The following MSANTD4 variants were observed in gnomAD, a reference collection of about 807,000 sequenced individuals.
MSANTD4 encodes Myb/SANT DNA binding domain containing 4 with coiled-coils.
In MSANTD4, 13 loss-of-function variants were observed where a neutral mutation model predicts 34.3. That is an observed-to-expected ratio of 0.38 (90% confidence interval 0.25 to 0.60). The LOEUF (loss-of-function observed/expected upper bound fraction) is 0.60. Among genes scored for constraint, MSANTD4 ranks in the 20% least tolerant of loss-of-function variants. The probability of loss-of-function intolerance (pLI) is 0.63; values close to 1 mark genes in which losing one functional copy is unlikely to be tolerated. For missense variants in MSANTD4, 358 were observed against 401.8 expected (o/e 0.89, Z 0.93); for synonymous variants, 137 against 145.2 (o/e 0.94, Z 0.41).
At chr11:106,015,542 T>A (rs1009339457) in intron 1 of MSANTD4, among the ~76,000 whole-genome samples, 4 of 152,246 alleles carry the variant, frequency 2.6e-5, no homozygotes, top group Non-Finnish European at 5.9e-5. Context: ...TTATGCTTCA[T>A]AACATATATA....
chr11:106,018,841 C>T (rs1485683089), intron 1 of MSANTD4, among the ~76,000 whole-genome samples: 2 of 152,196 alleles, frequency 1.3e-5, no homozygotes, highest in Non-Finnish European at 2.9e-5. Context: ...GGACTGCTCT[C>T]TTGAGAACCA....
intron 1 of MSANTD4, among the ~76,000 whole-genome samples, chr11:106,012,758 C>CTG (rs1859733916): frequency 6.6e-6 from 1 of 152,214 alleles, no homozygotes; most frequent in Non-Finnish European, 1.5e-5. Flanking sequence ...AGTAAAACGT[C>CTG]TGTGCTAGAC....
rs1860029953 is a variant in MSANTD4 at position 106,021,414 on chromosome 11, T to G, written c.-603A>C. 1 of 152,198 alleles carries G rather than the reference T, an allele frequency of 6.6e-6. No individual in the cohort carries two copies. The allele number at this position is 152,198 out of a possible 1,614,324, so 9.4% of individuals were successfully genotyped here. A position where few individuals can be genotyped will look rare whatever the true frequency, so the allele number is the denominator to read the frequency against. ...GGCATAATATAACCAGGCAACTTTTTACAAGCACTAAAACTTGAGAATGAA... is the reference window on the plus strand; with the variant it reads ...GGCATAATATAACCAGGCAACTTTTGACAAGCACTAAAACTTGAGAATGAA... On this transcript the variant is annotated 5_prime_UTR_variant, in exon 1 of 3. Transcript: ENST00000301919.
At chr11:106,013,640 T>G (rs1859761590) in intron 1 of MSANTD4, among the ~76,000 whole-genome samples, 1 of 152,144 alleles carries the variant, frequency 6.6e-6, no homozygotes, top group Admixed American at 6.5e-5. Flanking sequence ...GCGGGCGGAT[T>G]GCCTGAGCTC....
intron 1 of MSANTD4, among the ~76,000 whole-genome samples, chr11:106,016,216 C>G (rs1007043885): frequency 6.6e-6 from 1 of 152,152 alleles, no homozygotes; most frequent in Non-Finnish European, 1.5e-5. Flanking sequence ...CCTAACATTC[C>G]TATGTAATTC....
At chr11:106,014,061 T>G (rs1403586620) in intron 1 of MSANTD4, among the ~76,000 whole-genome samples, 1 of 152,216 alleles carries the variant, frequency 6.6e-6, no homozygotes, top group Non-Finnish European at 1.5e-5. Context: ...CAAAACCAGT[T>G]AGGCCTCATA....
intron 1 of MSANTD4, among the ~76,000 whole-genome samples, chr11:106,014,253 T>G (rs1238908561): frequency 1.3e-5 from 2 of 152,238 alleles, no homozygotes; most frequent in Non-Finnish European, 2.9e-5. Context: ...GACAATCTTA[T>G]AACTGTAACC....
intron 1 of MSANTD4, among the ~76,000 whole-genome samples, chr11:106,016,364 ATATGCTGCTTCTTAGTACCC>A (rs1199519617): frequency 1.3e-5 from 2 of 152,196 alleles, no homozygotes; most frequent in Non-Finnish European, 2.9e-5. Flanking sequence ...ACCAGCCCCA[ATATGCTGCTTCTTAGTACCC>A]TATGTTGCAG....
intron 1 of MSANTD4, among the ~76,000 whole-genome samples, chr11:106,013,453 G>A (rs1050027521): frequency 6.6e-6 from 1 of 152,206 alleles, no homozygotes; most frequent in Non-Finnish European, 1.5e-5. Flanking sequence ...AAGATCCAGA[G>A]AGGTTAATTT....
chr11:106,009,248 A>G lies in MSANTD4; in HGVS notation c.*287T>C, dbSNP rs945550049. ...CCCCAGATGAGAACTTCTGGGCTAG[A>G]ATTTTATATGGACATAATTGTAAAC... On this transcript the variant is annotated 3_prime_UTR_variant, in exon 3 of 3. Coordinates refer to ENST00000301919, the MANE Select transcript of MSANTD4 (RefSeq NM_032424.3). 6 of 260,458 alleles carry G rather than the reference A, an allele frequency of 2.3e-5. No homozygotes were observed. Among genetic ancestry groups the G allele is most frequent in the African/African-American group, 1.1e-4 (5 of 45,056 alleles). 16.1% of individuals were successfully genotyped at this position (260,458 alleles called of 1,614,324 possible). A position where few individuals can be genotyped will look rare whatever the true frequency, so the allele number is the denominator to read the frequency against.
Position 106,008,152 on chromosome 11 carries a change from T to C in MSANTD4, c.*1383A>G, listed in dbSNP as rs993906971. The C allele has an allele frequency of 2.0e-5, 3 of 152,572 alleles. No individual in the cohort carries two copies. The highest frequency in any genetic ancestry group is 7.2e-5 in the African/African-American group (3 of 41,430). 9.5% of individuals were successfully genotyped at this position (152,572 alleles called of 1,614,324 possible). Reference sequence around the variant, plus strand: ...TTGAAAATCAGAAAACACAAAGTGATCTAGTGCAGTGATTCTCAACTTTAG... The same window carrying C: ...TTGAAAATCAGAAAACACAAAGTGACCTAGTGCAGTGATTCTCAACTTTAG... On this transcript the variant is annotated 3_prime_UTR_variant, in exon 3 of 3. Transcript: ENST00000301919.
intron 1 of MSANTD4, among the ~76,000 whole-genome samples, chr11:106,016,476 G>A (rs942344544): frequency 6.6e-6 from 1 of 152,110 alleles, no homozygotes. Flanking sequence ...GGAGATAGTC[G>A]CCCATCTGCT....
rs1859673204 is a variant in MSANTD4 at position 106,010,938 on chromosome 11, T to C, written c.-21A>G. On this transcript the variant is annotated 5_prime_UTR_variant, in exon 2 of 3. Transcript: ENST00000301919. ...TTCATTTTCAATTTCAATGCAGTTTTTATGGTAAGAGATGTGAAAACAATT... is the reference window on the plus strand; with the variant it reads ...TTCATTTTCAATTTCAATGCAGTTTCTATGGTAAGAGATGTGAAAACAATT... The C allele has an allele frequency of 3.8e-6, 6 of 1,566,492 alleles. No individual in the cohort carries two copies. Among genetic ancestry groups the C allele is most frequent in the Non-Finnish European group, 5.2e-6 (6 of 1,158,786 alleles).
chr11:106,010,719 T>C lies in MSANTD4; in HGVS notation c.199A>G (p.Thr67Ala). The change falls in exon 2 of 3, where the codon ACA (threonine) becomes GCA (alanine). Residue 67 changes from threonine (T) to alanine (A), a missense_variant. By Grantham distance (58) the Thr-to-Ala change is moderately conservative. Around this residue, in one of 2 missense-constraint regions of MSANTD4, gnomAD observed 46 missense variants for 84.3 expected, o/e 0.55. Transcript: ENST00000301919. Reference protein sequence around the residue: ...AVGEGEQRTGTEVKRRYLDWR... With the variant: ...AVGEGEQRTGAEVKRRYLDWR... Reference sequence around the variant, plus strand: ...TCAAGGTACCTTCTTTTCACCTCTGTCCCTGTCCTCTGTTCTCCTTCTCCT... The same window carrying C: ...TCAAGGTACCTTCTTTTCACCTCTGCCCCTGTCCTCTGTTCTCCTTCTCCT... The C allele has an allele frequency of 6.2e-7, 1 of 1,614,180 alleles. No individual in the cohort carries two copies. Among genetic ancestry groups the C allele is most frequent in the Non-Finnish European group, 8.5e-7 (1 of 1,180,018 alleles).
In MSANTD4 at chr11:106,009,381, T is replaced by C; in HGVS notation, c.*154A>G. ...ACGCTAGGGCACAGCTTTTATATAC[T>C]ACTTAGGCATACAGTTATCCACATA... On this transcript the variant is annotated 3_prime_UTR_variant, in exon 3 of 3. Coordinates refer to ENST00000301919, the MANE Select transcript of MSANTD4 (RefSeq NM_032424.3). The C allele has an allele frequency of 1.5e-6, 1 of 672,754 alleles. No individual in the cohort carries two copies. Among genetic ancestry groups the C allele is most frequent in the South Asian group, 2.0e-5 (1 of 49,718 alleles). 41.7% of individuals were successfully genotyped at this position (672,754 alleles called of 1,614,324 possible).
chr11:106,011,001 C>A lies in MSANTD4; in HGVS notation c.-84G>T. 1 of 1,456,490 alleles carries A rather than the reference C, an allele frequency of 6.9e-7. No homozygotes were observed. 90.2% of individuals were successfully genotyped at this position (1,456,490 alleles called of 1,614,324 possible). On this transcript the variant is annotated 5_prime_UTR_variant, in exon 2 of 3. Coordinates refer to ENST00000301919, the MANE Select transcript of MSANTD4 (RefSeq NM_032424.3). Reference sequence around the variant, plus strand: ...CAAAGCACAAAAACCAGGGATAATTCTTTGCTGGCCCTTAGTTCAAATCAT... The same window carrying A: ...CAAAGCACAAAAACCAGGGATAATTATTTGCTGGCCCTTAGTTCAAATCAT...
chr11:106,017,523 G>A (rs975685975), intron 1 of MSANTD4, among the ~76,000 whole-genome samples: 2 of 152,060 alleles, frequency 1.3e-5, no homozygotes, highest in Admixed American at 6.5e-5. Flanking sequence ...TATACATATA[G>A]TTAGAAAATC....
rs926866946 is a variant in MSANTD4, at chr11:106,008,860, T to G, written c.*675A>C. On this transcript the variant is annotated 3_prime_UTR_variant, in exon 3 of 3. Coordinates refer to ENST00000301919, the MANE Select transcript of MSANTD4 (RefSeq NM_032424.3). ...TTGTTTTCTGAATCTGAGAAGGCTATTTATAGATGGAAACATGGGAATAAA... is the reference window on the plus strand; with the variant it reads ...TTGTTTTCTGAATCTGAGAAGGCTAGTTATAGATGGAAACATGGGAATAAA... 1 of 152,222 alleles carries G rather than the reference T, an allele frequency of 6.6e-6. No individual in the cohort carries two copies. The highest frequency in any genetic ancestry group is 2.4e-5 in the African/African-American group (1 of 41,462). The allele number at this position is 152,222 out of a possible 1,614,324, so 9.4% of individuals were successfully genotyped here.
chr11:106,011,673 G>A (rs1281741364), intron 1 of MSANTD4, among the ~76,000 whole-genome samples: 2 of 152,068 alleles, frequency 1.3e-5, no homozygotes, highest in Non-Finnish European at 2.9e-5. Context: ...GGGCAGGGAT[G>A]TTTCCACTGG....
Sources: allele counts gnomAD v4.1 joint callset (sites outside exome capture counted in the v4.1 genomes callset), GRCh38; gene constraint gnomAD v4.1.1; regional missense constraint gnomAD v4.1.1; transcripts MANE v1.5; gene names NCBI Gene and HGNC (gene_info 2026-07-23, HGNC 2026-07-21).